Variants in CCDC14 observed in about 807,000 individuals in gnomAD.
CCDC14 encodes the protein coiled-coil domain containing 14, also known as coiled-coil domain-containing protein 14.
A neutral mutation model predicts 81.4 loss-of-function variants in CCDC14; 71 were observed. The observed-to-expected ratio is 0.87, with a 90% CI of 0.72 to 1.06. CCDC14 has a LOEUF of 1.06. CCDC14 is among the 50% of genes least tolerant of loss of function. The pLI, the probability that CCDC14 is intolerant of heterozygous loss-of-function variation, is 0.00. For missense variants in CCDC14, 1,046 were observed against 1,047.3 expected (o/e 1.00, Z 0.02); for synonymous variants, 332 against 364.8 (o/e 0.91, Z 1.03).
chr3:123,916,493 T>C (rs1189518663), intron 12 of CCDC14, among the ~76,000 whole-genome samples: 5 of 151,628 alleles, frequency 3.3e-5, no homozygotes, highest in African/African-American at 1.2e-4. Context: ...TGTGTGTGTG[T>C]GTGTGTGTGG....
chr3:123,945,136 G>T, intron 8 of CCDC14, 146 bp from the exon 9 acceptor site: 1 of 466,166 alleles, frequency 2.1e-6, no homozygotes, highest in East Asian at 3.5e-5. Context: ...TATTATACAG[G>T]TTCCATTTTT....
At chr3:123,951,915 A>C (rs2037043239) in intron 5 of CCDC14, among the ~76,000 whole-genome samples, 1 of 152,230 alleles carries the variant, frequency 6.6e-6, no homozygotes, top group Non-Finnish European at 1.5e-5. Context: ...AACTTTACTT[A>C]ACGATATGAA....
rs1422119518 is a variant in CCDC14, at chr3:123,956,692, T to C, written c.86+48A>G. ...CGACATGTCATCCAGCCCAAAGACC[T>C]GAAAAATTCCTTGAAATCTGAAGTT... On this transcript the variant is annotated intron_variant, in intron 2 of 12. Coordinates refer to ENST00000409697, the MANE Select transcript of CCDC14 (RefSeq NM_001366335.1). 2.1e-6 allele frequency: 3 copies of C among 1,460,808 alleles called. No individual in the cohort carries two copies. In the East Asian group the frequency reaches 7.4e-5, roughly 36 times the overall value. 90.5% of individuals were successfully genotyped at this position (1,460,808 alleles called of 1,614,324 possible).
the CCDC14 span, among the ~76,000 whole-genome samples, chr3:123,890,875 A>T: frequency 6.6e-6 from 1 of 152,120 alleles, no homozygotes. Flanking sequence ...TCCCTCCCAC[A>T]CTGCCCTAGC....
At chr3:123,951,900 T>C (rs1340080349) in intron 5 of CCDC14, among the ~76,000 whole-genome samples, 1 of 152,220 alleles carries the variant, frequency 6.6e-6, no homozygotes, top group African/African-American at 2.4e-5. Context: ...CGGATAATGT[T>C]GAGTAACTTT....
In CCDC14 at chr3:123,914,300, T is replaced by C. The variant is rs1004639534; in HGVS notation, c.*479A>G. The C allele has an allele frequency of 1.0e-6, 1 of 984,378 alleles. No individual in the cohort carries two copies. 61.0% of individuals were successfully genotyped at this position (984,378 alleles called of 1,614,324 possible). A position where few individuals can be genotyped will look rare whatever the true frequency, so the allele number is the denominator to read the frequency against. ...TCTCTTTAAATAAATGTTTATATAT[T>C]TCACCAACAACACTGGCCTGTGGCA... is the stretch of plus-strand genomic sequence containing the variant. On this transcript the variant is annotated 3_prime_UTR_variant, in exon 13 of 13. Coordinates refer to ENST00000409697, the MANE Select transcript of CCDC14 (RefSeq NM_001366335.1).
chr3:123,958,913 G>A (rs1249817460), intron 1 of CCDC14: 1 of 152,114 alleles, frequency 6.6e-6, no homozygotes, highest in African/African-American at 2.4e-5. Flanking sequence ...TCTGTGACTA[G>A]CTTATTTCAC....
chr3:123,916,348 C>T (rs1214547752), intron 12 of CCDC14, among the ~76,000 whole-genome samples: 2 of 151,992 alleles, frequency 1.3e-5, no homozygotes, highest in Non-Finnish European at 2.9e-5. Context: ...AGCAGCACTA[C>T]AAATTGAGCC....
chr3:123,915,423 C>A lies in CCDC14; in HGVS notation c.2074G>T (p.Gly692Cys). The A allele has an allele frequency of 6.2e-7, 1 of 1,613,932 alleles. No homozygotes were observed. The highest frequency in any genetic ancestry group is 8.5e-7 in the Non-Finnish European group (1 of 1,179,876). Reference sequence around the variant, plus strand: ...CCAGGTGCAGATGCTTCCTCCATGCCCCTAGTGTTACTATTTTGAGGGCCT... The same window carrying A: ...CCAGGTGCAGATGCTTCCTCCATGCACCTAGTGTTACTATTTTGAGGGCCT... ...SRGPQNSNTR[G>C]MEEASAPGII... Residue 692 changes from glycine (G) to cysteine (C), a missense_variant, in exon 13 of 13, where the codon GGC becomes TGC. By Grantham distance (159) the Gly-to-Cys change is radical (BLOSUM62 -3). Coordinates refer to ENST00000409697, the MANE Select transcript of CCDC14 (RefSeq NM_001366335.1).
At chr3:123,928,524 A>C (rs2035517764) in intron 12 of CCDC14, among the ~76,000 whole-genome samples, 1 of 151,974 alleles carries the variant, frequency 6.6e-6, no homozygotes, top group African/African-American at 2.4e-5. Context: ...TAAATAAATA[A>C]ATAAAAAAGA....
At chr3:123,903,162 G>A (rs1410581402) in intron 5 of CCDC14, among the ~76,000 whole-genome samples, 1 of 152,168 alleles carries the variant, frequency 6.6e-6, no homozygotes, top group Non-Finnish European at 1.5e-5. Context: ...AAAACAAAAT[G>A]AAACAGAAGG....
At position 123,947,331 on chromosome 3, in the gene CCDC14, T is replaced by C. The variant is rs761332008; in HGVS notation, c.685-12A>G. 7.1e-5 allele frequency: 113 copies of C among 1,590,262 alleles called. No individual in the cohort carries two copies. Among genetic ancestry groups the C allele is most frequent in the Admixed American group, 4.9e-4 (28 of 57,240 alleles). On this transcript the variant is annotated splice_polypyrimidine_tract_variant and intron_variant, in intron 7 of 12. Coordinates refer to ENST00000409697, the MANE Select transcript of CCDC14 (RefSeq NM_001366335.1). The stretch of plus-strand genomic sequence containing the variant: ...TCAGTTTGAACTTCCTAAAGAAAGA[T>C]AAAAACAAGTCTTCAGAAGTATGAG...
chr3:123,918,155 C>T (rs2034819130), intron 12 of CCDC14, among the ~76,000 whole-genome samples: 1 of 152,132 alleles, frequency 6.6e-6, no homozygotes. Context: ...AATCTCTATA[C>T]TAAACAGTCA....
intron 12 of CCDC14, among the ~76,000 whole-genome samples, chr3:123,918,183 G>A (rs2034821218): frequency 6.6e-6 from 1 of 152,160 alleles, no homozygotes; most frequent in Non-Finnish European, 1.5e-5. Flanking sequence ...TTATATCTCT[G>A]TATATAGGAT....
chr3:123,956,567 G>C lies in CCDC14; in HGVS notation c.87-140C>G. 4.0e-6 allele frequency: 3 copies of C among 755,730 alleles called. No homozygotes were observed. The South Asian group carries it at 5.9e-5, about 15-fold the overall frequency. The allele number at this position is 755,730 out of a possible 1,614,324, so 46.8% of individuals were successfully genotyped here. A position where few individuals can be genotyped will look rare whatever the true frequency, so the allele number is the denominator to read the frequency against. On this transcript the variant is annotated intron_variant, in intron 2 of 12. Coordinates refer to ENST00000409697, the MANE Select transcript of CCDC14 (RefSeq NM_001366335.1). ...ATTTATAAACACATTCTGAAGATCAGAAAGACTGTTAAATACTAAAATGAT... is the reference window on the plus strand; with the variant it reads ...ATTTATAAACACATTCTGAAGATCACAAAGACTGTTAAATACTAAAATGAT...
At position 123,915,376 on chromosome 3, in the gene CCDC14, T is replaced by C; in HGVS notation, c.2121A>G (p.Lys707=). Residue 707 remains lysine, a synonymous_variant, in exon 13 of 13, where the codon AAA becomes AAG. Coordinates refer to ENST00000409697, the MANE Select transcript of CCDC14 (RefSeq NM_001366335.1). ...SAPGIISALS[K]QDSDEGSETM... is the part of the protein sequence containing the mutation. ...TTTCACTCCCTTCATCAGAATCCTG[T>C]TTTGAAAGGGCAGAAATAATTCCAG... The C allele has an allele frequency of 6.2e-7, 1 of 1,613,680 alleles. No individual in the cohort carries two copies. The highest frequency in any genetic ancestry group is 8.5e-7 in the Non-Finnish European group (1 of 1,179,726).
chr3:123,911,809 C>CT (rs2034452428), downstream of CCDC14, among the ~76,000 whole-genome samples: 1 of 152,164 alleles, frequency 6.6e-6, no homozygotes, highest in Admixed American at 6.5e-5. Flanking sequence ...GCTGCATGCC[C>CT]TTTTTACCTA....
At position 123,903,297 on chromosome 3, in the gene CCDC14, A is replaced by AACACACACACACAC. The variant is rs57466490; in HGVS notation, c.668-5698_668-5685dup. Among the ~76,000 whole-genome samples the AACACACACACACAC allele has an allele frequency of 3.2e-4, 46 of 144,298 alleles. 1 individual carries two copies. Among genetic ancestry groups the AACACACACACACAC allele is most frequent in the African/African-American group, 1.2e-3 (44 of 38,198 alleles). The allele number at this position is 144,298 out of a possible 152,430, so 94.7% of individuals were successfully genotyped here. A position where few individuals can be genotyped will look rare whatever the true frequency, so the allele number is the denominator to read the frequency against. On this transcript the variant is annotated intron_variant, in intron 5 of 5. Transcript: ENST00000479903. The stretch of plus-strand genomic sequence containing the variant: ...CCATAATAAAAAGTATTATTTTTCA[A>AACACACACACACAC]ACACACACACACACACACACACACA...
At chr3:123,919,629 T>A (rs2682253) in intron 12 of CCDC14, among the ~76,000 whole-genome samples, 1 of 152,080 alleles carries the variant, frequency 6.6e-6, no homozygotes, top group African/African-American at 2.4e-5. Context: ...TGGAGTACAG[T>A]CAATAGCTCC....
Sources: allele counts gnomAD v4.1 joint callset (sites outside exome capture counted in the v4.1 genomes callset), GRCh38; gene constraint gnomAD v4.1.1; transcripts MANE v1.5; gene names NCBI Gene and HGNC (gene_info 2026-07-23, HGNC 2026-07-21).